Variants in CCSER1 observed in about 807,000 individuals in gnomAD.
CCSER1 encodes the protein coiled-coil serine rich protein 1.
A neutral mutation model predicts 82.0 loss-of-function variants in CCSER1; 41 were observed. The ratio of observed to expected loss-of-function variants is 0.50; its 90% CI spans 0.39 to 0.65. CCSER1 has a LOEUF of 0.65. Among genes scored for constraint, CCSER1 ranks in the 30% least tolerant of loss-of-function variants. The pLI is 0.00. For missense variants in CCSER1, 1,119 were observed against 1,064.2 expected (o/e 1.05, Z -0.72); for synonymous variants, 414 against 383.9 (o/e 1.08, Z -0.92).
At chr4:91,244,701 ATC>A (rs1354169224) in intron 10 of CCSER1, among the ~76,000 whole-genome samples, 1 of 152,180 alleles carries the variant, frequency 6.6e-6, no homozygotes, top group Non-Finnish European at 1.5e-5. Flanking sequence ...GATAATAAAT[ATC>A]TAACTCTTCA....
chr4:91,119,292 T>G (rs1361468662), intron 10 of CCSER1, among the ~76,000 whole-genome samples: 1 of 152,088 alleles, frequency 6.6e-6, no homozygotes, highest in Non-Finnish European at 1.5e-5. Context: ...ACAAACTGTG[T>G]TTAATTCATA....
intron 10 of CCSER1, among the ~76,000 whole-genome samples, chr4:91,541,037 A>G (rs781099764): frequency 5.3e-5 from 8 of 152,096 alleles, no homozygotes; most frequent in Non-Finnish European, 1.2e-4. Context: ...ATTTCACCTT[A>G]CTATATAAAT....
At chr4:91,238,205 A>G (rs897089069) in intron 10 of CCSER1, among the ~76,000 whole-genome samples, 2 of 152,106 alleles carry the variant, frequency 1.3e-5, no homozygotes, top group African/African-American at 4.8e-5. Context: ...CAATCAGAAG[A>G]ACGTTTAAAA....
intron 1 of CCSER1, among the ~76,000 whole-genome samples, chr4:90,236,816 TCATAA>T (rs1259759343): frequency 6.6e-6 from 1 of 152,116 alleles, no homozygotes; most frequent in Non-Finnish European, 1.5e-5. Context: ...TTTAAAGTTA[TCATAA>T]CATGTTAGAT....
intron 10 of CCSER1, among the ~76,000 whole-genome samples, chr4:91,392,584 T>C (rs899350353): frequency 6.6e-6 from 1 of 152,098 alleles, no homozygotes; most frequent in Non-Finnish European, 1.5e-5. Flanking sequence ...TTTCTGATAA[T>C]AATTGTATAC....
At chr4:91,021,314 A>T (rs1739941953) in intron 9 of CCSER1, among the ~76,000 whole-genome samples, 1 of 152,158 alleles carries the variant, frequency 6.6e-6, no homozygotes. Context: ...ATGATAAAAA[A>T]CAAGAACTAT....
At chr4:90,295,980 A>G (rs1012015077) in intron 1 of CCSER1, among the ~76,000 whole-genome samples, 3 of 151,992 alleles carry the variant, frequency 2.0e-5, no homozygotes, top group African/African-American at 7.2e-5. Context: ...AATCAAGCCA[A>G]TTCTCCAATG....
intron 10 of CCSER1, among the ~76,000 whole-genome samples, chr4:91,491,182 C>T (rs1758521481): frequency 6.6e-6 from 1 of 151,352 alleles, no homozygotes; most frequent in Non-Finnish European, 1.5e-5. Context: ...ATCTCCACTG[C>T]TAATCAAATG....
chr4:90,281,015 A>G (rs1402775325), intron 1 of CCSER1, among the ~76,000 whole-genome samples: 1 of 151,958 alleles, frequency 6.6e-6, no homozygotes, highest in Non-Finnish European at 1.5e-5. Flanking sequence ...CATCCATACT[A>G]TTTTCCAACT....
chr4:91,211,861 G>A (rs927564010), intron 10 of CCSER1, among the ~76,000 whole-genome samples: 2 of 152,006 alleles, frequency 1.3e-5, no homozygotes, highest in Non-Finnish European at 2.9e-5. Context: ...TACCTCCAAA[G>A]ATCTCTAACA....
At chr4:91,368,211 G>T (rs1749778434) in intron 10 of CCSER1, among the ~76,000 whole-genome samples, 1 of 152,072 alleles carries the variant, frequency 6.6e-6, no homozygotes, top group African/African-American at 2.4e-5. Flanking sequence ...CATGTGGTCA[G>T]ATCCATAACT....
At chr4:90,692,299 C>A (rs183936149) in intron 6 of CCSER1, among the ~76,000 whole-genome samples, 237 of 151,848 alleles carry the variant, frequency 1.6e-3, no homozygotes, top group African/African-American at 5.5e-3. Flanking sequence ...TCATTAAATG[C>A]TTTTATTAAA....
chr4:91,325,997 T>A (rs1444725501), intron 10 of CCSER1, among the ~76,000 whole-genome samples: 1 of 146,684 alleles, frequency 6.8e-6, no homozygotes, highest in African/African-American at 2.5e-5. Flanking sequence ...TTTTTTTTTT[T>A]AAGTTGTTAA....
chr4:90,780,496 G>A (rs1753623518), intron 7 of CCSER1: 2 of 1,612,168 alleles, frequency 1.2e-6, no homozygotes, highest in Non-Finnish European at 1.7e-6. Flanking sequence ...GAAGATTGGG[G>A]TTCAGGAGGC....
At chr4:90,371,436 T>G (rs1441215957) in intron 3 of CCSER1, among the ~76,000 whole-genome samples, 1 of 152,116 alleles carries the variant, frequency 6.6e-6, no homozygotes. Context: ...TTGCACATTT[T>G]ACATAACTTG....
intron 7 of CCSER1, among the ~76,000 whole-genome samples, chr4:90,788,729 G>A (rs2149648747): frequency 6.6e-6 from 1 of 152,236 alleles, no homozygotes; most frequent in Non-Finnish European, 1.5e-5. Flanking sequence ...TTGGACAGGG[G>A]GCCGGGGAGA....
At chr4:90,307,341 T>C (rs2153477653) in intron 1 of CCSER1, among the ~76,000 whole-genome samples, 1 of 152,242 alleles carries the variant, frequency 6.6e-6, no homozygotes, top group South Asian at 2.1e-4. Flanking sequence ...CTCTCAAGGT[T>C]ACCAACTGTC....
At chr4:90,816,086 C>T (rs550342548) in intron 8 of CCSER1, among the ~76,000 whole-genome samples, 1 of 152,182 alleles carries the variant, frequency 6.6e-6, no homozygotes, top group South Asian at 2.1e-4. Flanking sequence ...TATCACTGAA[C>T]CAGGATTAAA....
At chr4:90,632,761 C>T (rs1724683599) in intron 6 of CCSER1, among the ~76,000 whole-genome samples, 1 of 152,096 alleles carries the variant, frequency 6.6e-6, no homozygotes, top group East Asian at 1.9e-4. Context: ...CCTTCCTCTA[C>T]TTAGGAGATT....
Sources: gnomAD v4.1 joint callset for allele counts (sites outside exome capture counted in the v4.1 genomes callset) on GRCh38, gnomAD v4.1.1 for gene constraint, MANE v1.5 for transcripts, NCBI Gene and HGNC (gene_info 2026-07-23, HGNC 2026-07-21) for gene names.